Variants in SUPV3L1 observed in about 807,000 individuals in gnomAD.
The protein encoded by SUPV3L1 is ATP-dependent RNA helicase SUPV3L1, mitochondrial.
In SUPV3L1, 35 loss-of-function variants were observed where a neutral mutation model predicts 70.0. The observed-to-expected ratio is 0.50, with a 90% CI of 0.38 to 0.66. The LOEUF is 0.66. Among genes scored for constraint, SUPV3L1 ranks in the 30% least tolerant of loss-of-function variants. SUPV3L1 has a pLI of 0.00. For missense variants in SUPV3L1, 777 were observed against 961.5 expected (o/e 0.81, Z 2.54); for synonymous variants, 364 against 341.9 (o/e 1.06, Z -0.71).
intron 6 of SUPV3L1, among the ~76,000 whole-genome samples, chr10:69,194,982 A>T (rs548852583): frequency 2.2e-4 from 33 of 152,336 alleles, no homozygotes; most frequent in African/African-American, 7.9e-4. Context: ...GATAGTGATA[A>T]TACTTAACCT....
chr10:69,202,469 A>T lies in SUPV3L1; in HGVS notation c.1549A>T (p.Ile517Phe), dbSNP rs542151671. The T allele has an allele frequency of 5.0e-6, 8 of 1,613,482 alleles. 1 individual carries two copies. In the South Asian group the frequency reaches 8.8e-5, roughly 18 times the overall value. The part of the protein sequence containing the change: ...AAGLHPTAEQ[I>F]EMFAYHLPDA... Reference sequence around the variant, plus strand: ...TGGTCTTCATCCAACTGCTGAGCAGATTGAAATGTTTGCCTACCATCTCCC... The same window carrying T: ...TGGTCTTCATCCAACTGCTGAGCAGTTTGAAATGTTTGCCTACCATCTCCC... Residue 517 changes from isoleucine to phenylalanine, a missense_variant, in exon 12 of 15, where the codon ATT becomes TTT. Transcript: ENST00000359655.
intron 13 of SUPV3L1, among the ~76,000 whole-genome samples, chr10:69,203,663 C>CAAA (rs1307849343): frequency 5.4e-4 from 48 of 88,778 alleles, no homozygotes; most frequent in Non-Finnish European, 6.8e-4. Context: ...GACTCTGTCT[C>CAAA]AAAAAAAAAA....
intron 1 of SUPV3L1, among the ~76,000 whole-genome samples, chr10:69,182,928 G>A (rs1842106088): frequency 6.6e-6 from 1 of 152,134 alleles, no homozygotes; most frequent in Admixed American, 6.5e-5. Flanking sequence ...TGTCTATGGG[G>A]TGTCTCATTC....
rs1589386023 is a variant in SUPV3L1 at position 69,198,332 on chromosome 10, G to A, written c.1024-40G>A. Reference sequence around the variant, plus strand: ...TTAATTACTAGTCACAAGAAGTTGAGTTGGGTGTGTCATTTTGCCATTTCA... The same window carrying A: ...TTAATTACTAGTCACAAGAAGTTGAATTGGGTGTGTCATTTTGCCATTTCA... On this transcript the variant is annotated intron_variant, in intron 8 of 14. Coordinates refer to ENST00000359655, the MANE Select transcript of SUPV3L1 (RefSeq NM_003171.5). 34 of 1,555,894 alleles carry A rather than the reference G, an allele frequency of 2.2e-5. No individual in the cohort carries two copies. In the East Asian group the frequency reaches 7.9e-4, roughly 36 times the overall value.
At chr10:69,206,875 C>T (rs969217981) in intron 13 of SUPV3L1, among the ~76,000 whole-genome samples, 6 of 151,996 alleles carry the variant, frequency 3.9e-5, no homozygotes, top group African/African-American at 1.4e-4. Flanking sequence ...GGTGTTGTGG[C>T]GGGCGCCTGT....
intron 1 of SUPV3L1, among the ~76,000 whole-genome samples, chr10:69,181,723 A>G (rs889665654): frequency 2.0e-5 from 3 of 152,076 alleles, no homozygotes. Context: ...AAGGGGGCTG[A>G]ACTTATCCTT....
At chr10:69,186,172 C>G (rs1842222987) in intron 2 of SUPV3L1, 108 bp downstream of exon 2, 10 of 994,286 alleles carry the variant, frequency 1.0e-5, no homozygotes, top group Non-Finnish European at 1.5e-5. Context: ...TCTGGAGACA[C>G]GTCCCTGCTC....
intron 8 of SUPV3L1, among the ~76,000 whole-genome samples, 184 bp downstream of exon 8, chr10:69,197,267 A>G (rs1309907167): frequency 1.3e-5 from 2 of 152,220 alleles, no homozygotes; most frequent in East Asian, 1.9e-4. Flanking sequence ...GTTCTGACAG[A>G]GTGGTCATCA....
chr10:69,194,852 A>G (rs1221976254), intron 6 of SUPV3L1, among the ~76,000 whole-genome samples: 1 of 148,868 alleles, frequency 6.7e-6, no homozygotes, highest in Non-Finnish European at 1.5e-5. Context: ...AAGAAAAAAA[A>G]AAGAGTATAG....
chr10:69,205,524 G>A (rs1008006566), intron 13 of SUPV3L1, among the ~76,000 whole-genome samples: 11 of 152,122 alleles, frequency 7.2e-5, no homozygotes, highest in Non-Finnish European at 1.5e-4. Flanking sequence ...ACAGGTGTGC[G>A]CCATGATGCG....
intron 8 of SUPV3L1, 66 bp from the exon 9 acceptor site, chr10:69,198,306 C>G: frequency 4.2e-6 from 6 of 1,444,656 alleles, no homozygotes; most frequent in Non-Finnish European, 5.6e-6. Context: ...AATCTTTTCA[C>G]TTAATTACTA....
intron 3 of SUPV3L1, 41 bp downstream of exon 3, chr10:69,186,591 C>T (rs749881163): frequency 1.4e-6 from 2 of 1,477,440 alleles, no homozygotes; most frequent in South Asian, 1.2e-5. Context: ...TTGAACATAC[C>T]TTCTATTTCT....
chr10:69,180,333 G>T lies in SUPV3L1; in HGVS notation c.42G>T (p.Ala14=), dbSNP rs749031000. The part of the protein sequence containing the change: ...SRALLWARLP[A]GRQAGHRAAI... Reference sequence around the variant, plus strand: ...CCCTATTGTGGGCTCGGCTCCCGGCGGGGCGCCAGGCTGGCCACCGGGCAG... The same window carrying T: ...CCCTATTGTGGGCTCGGCTCCCGGCTGGGCGCCAGGCTGGCCACCGGGCAG... Residue 14 remains alanine, a synonymous_variant, in exon 1 of 15, where the codon GCG becomes GCT. Coordinates refer to ENST00000359655, the MANE Select transcript of SUPV3L1 (RefSeq NM_003171.5). 1 of 1,614,000 alleles carries T rather than the reference G, an allele frequency of 6.2e-7. No individual in the cohort carries two copies. Among genetic ancestry groups the T allele is most frequent in the South Asian group, 1.1e-5 (1 of 91,072 alleles).
intron 13 of SUPV3L1, 92 bp from the exon 14 acceptor site, chr10:69,207,701 T>G: frequency 3.6e-6 from 5 of 1,406,206 alleles, no homozygotes; most frequent in Non-Finnish European, 4.8e-6. Context: ...AACCACAATG[T>G]TTTGTTTTGC....
chr10:69,197,950 T>C (rs1012428515), intron 8 of SUPV3L1, among the ~76,000 whole-genome samples: 6 of 152,212 alleles, frequency 3.9e-5, no homozygotes, highest in African/African-American at 1.4e-4. Context: ...TTGGAGTCCA[T>C]TCTGTGTTTT....
At chr10:69,189,494 T>A in intron 5 of SUPV3L1, 59 bp downstream of exon 5, 1 of 1,501,968 alleles carries the variant, frequency 6.7e-7, no homozygotes, top group South Asian at 1.4e-5. Flanking sequence ...TTGGTGGGAG[T>A]GGGAAAAGAT....
At position 69,187,574 on chromosome 10, in the gene SUPV3L1, G is replaced by T. The variant is rs545849612; in HGVS notation, c.458-68G>T. 10 of 1,188,954 alleles carry T rather than the reference G, an allele frequency of 8.4e-6. No individual in the cohort carries two copies. In the East Asian group the frequency reaches 2.2e-4, roughly 26 times the overall value. The allele number at this position is 1,188,954 out of a possible 1,614,324, so 73.7% of individuals were successfully genotyped here. ...CGCAACTTAGCTTGTTAAGAAAAAA[G>T]ATTTCACTAAATTTAGTTACGAATT... On this transcript the variant is annotated intron_variant, in intron 3 of 14. Transcript: ENST00000359655.
Position 69,200,444 on chromosome 10 carries a change from A to G in SUPV3L1, c.1463A>G (p.His488Arg), listed in dbSNP as rs1842655750. The G allele has an allele frequency of 6.2e-7, 1 of 1,614,156 alleles. No individual in the cohort carries two copies. The highest frequency in any genetic ancestry group is 8.5e-7 in the Non-Finnish European group (1 of 1,180,032). ...FKEGEVTTMN[H>R]EDLSLLKEIL... ...GAAGGAGAGGTTACAACAATGAATCATGAAGATCTCAGTTTATTAAAGGAA... is the reference window on the plus strand; with the variant it reads ...GAAGGAGAGGTTACAACAATGAATCGTGAAGATCTCAGTTTATTAAAGGAA... Residue 488 changes from histidine to arginine, a missense_variant, in exon 11 of 15, where the codon CAT becomes CGT. His to Arg is a conservative substitution (Grantham distance 29). Transcript: ENST00000359655.
At chr10:69,189,505 G>A (rs1302748966) in intron 5 of SUPV3L1, 70 bp downstream of exon 5, 12 of 1,468,164 alleles carry the variant, frequency 8.2e-6, no homozygotes, top group African/African-American at 2.8e-5. Flanking sequence ...GGGAAAAGAT[G>A]TTTGTAGTAA....
Sources: gnomAD v4.1 joint callset for allele counts (sites outside exome capture counted in the v4.1 genomes callset) on GRCh38, gnomAD v4.1.1 for gene constraint, MANE v1.5 for transcripts, NCBI Gene and HGNC (gene_info 2026-07-23, HGNC 2026-07-21) for gene names.